The following EVL variants were observed in gnomAD, a reference collection of about 807,000 sequenced individuals.
EVL encodes the protein ena/VASP-like protein.
Under a neutral mutation model 59.6 loss-of-function variants are expected in EVL, and 21 were observed. The observed-to-expected ratio is 0.35, with a 90% CI of 0.25 to 0.51. The LOEUF (loss-of-function observed/expected upper bound fraction) is 0.51. EVL is among the 20% of genes least tolerant of loss of function. The pLI is 0.97. For synonymous variants in EVL, 198 were observed against 203.5 expected (o/e 0.97, Z 0.23); for missense variants, 462 against 546.6 (o/e 0.85, Z 1.54).
chr14:100,002,892 A>G (rs1052525326), intron 1 of EVL, among the ~76,000 whole-genome samples: 9 of 152,252 alleles, frequency 5.9e-5, no homozygotes, highest in African/African-American at 2.2e-4. Flanking sequence ...CATGAAGCCA[A>G]TTAAATTTCT....
chr14:100,020,765 C>T (rs1483678200), intron 1 of EVL, among the ~76,000 whole-genome samples: 1 of 152,196 alleles, frequency 6.6e-6, no homozygotes, highest in African/African-American at 2.4e-5. Context: ...AAAGAAAAGT[C>T]GGACCGTAAA....
intron 11 of EVL, chr14:100,139,039 T>C (rs1413703612): frequency 6.6e-6 from 1 of 152,314 alleles, no homozygotes; most frequent in African/African-American, 2.4e-5. Flanking sequence ...GTTTGCATTG[T>C]GTTCATGCGC....
At chr14:100,058,771 A>G (rs566716388) in intron 1 of EVL, among the ~76,000 whole-genome samples, 1 of 152,286 alleles carries the variant, frequency 6.6e-6, no homozygotes, top group African/African-American at 2.4e-5. Flanking sequence ...ATAGCACCCT[A>G]CTCAGAAAGC....
At chr14:100,122,991 G>A (rs1887796604) in intron 3 of EVL, among the ~76,000 whole-genome samples, 3 of 152,160 alleles carry the variant, frequency 2.0e-5, no homozygotes, top group Non-Finnish European at 1.5e-5. Flanking sequence ...AGACAGCAGG[G>A]GTCACCCCAG....
chr14:99,995,780 A>G (rs2060908900), intron 1 of EVL, among the ~76,000 whole-genome samples: 1 of 151,986 alleles, frequency 6.6e-6, no homozygotes, highest in South Asian at 2.1e-4. Flanking sequence ...AATCTGGAGA[A>G]CTCTCAAGCC....
intron 1 of EVL, among the ~76,000 whole-genome samples, chr14:100,079,251 C>T (rs1034650377): frequency 3.9e-5 from 6 of 152,244 alleles, no homozygotes; most frequent in Non-Finnish European, 5.9e-5. Context: ...TAATCTGTGA[C>T]AGATGCTTTT....
rs548714214 is a variant in EVL, at chr14:100,051,049, A to G, written c.6-33638A>G. ...GGTGTGAACCACTGCACCCAGCCTT[A>G]TTATTTTTACTAGCATACAGTAGTT... On this transcript the variant is annotated intron_variant, in intron 1 of 13. Coordinates refer to the EVL transcript ENST00000402714. Among the ~76,000 whole-genome samples, 5 of 152,210 alleles carry G rather than the reference A, an allele frequency of 3.3e-5. No homozygotes were observed. In the South Asian group the frequency reaches 1.0e-3, roughly 32 times the overall value.
chr14:100,112,338 ACTGT>A (rs1169406545), intron 3 of EVL, among the ~76,000 whole-genome samples: 2 of 152,148 alleles, frequency 1.3e-5, no homozygotes, highest in African/African-American at 4.8e-5. Context: ...CACAGCAGCC[ACTGT>A]CTGACTGGCT....
chr14:100,136,696 A>G (rs780779786), intron 9 of EVL, among the ~76,000 whole-genome samples: 2 of 151,970 alleles, frequency 1.3e-5, no homozygotes, highest in Non-Finnish European at 2.9e-5. Context: ...TCCCTGTGAA[A>G]CTGCACGCCA....
intron 1 of EVL, among the ~76,000 whole-genome samples, chr14:99,991,459 A>G (rs896108347): frequency 3.9e-5 from 6 of 152,248 alleles, no homozygotes; most frequent in Middle Eastern, 3.2e-3. Flanking sequence ...AGATTCATCA[A>G]ATGAATCTTT....
chr14:100,133,850 T>C (rs1888601742), intron 8 of EVL, among the ~76,000 whole-genome samples: 1 of 152,144 alleles, frequency 6.6e-6, no homozygotes, highest in Non-Finnish European at 1.5e-5. Context: ...GGCAGGAGAA[T>C]TGCTTGAACC....
chr14:100,036,560 T>A lies in EVL; in HGVS notation c.6-48127T>A, dbSNP rs116163047. Among the ~76,000 whole-genome samples the A allele has an allele frequency of 6.3e-3, 964 of 152,336 alleles. 11 individuals are homozygous for A. The highest frequency in any genetic ancestry group is 0.021 in the African/African-American group (892 of 41,584). On this transcript the variant is annotated intron_variant, in intron 1 of 13. Transcript: ENST00000402714. ...CAGGCTTACCCATAAACCTTTTTTT[T>A]TGTTTTGCAGTATATAAACAACAAA...
intron 1 of EVL, among the ~76,000 whole-genome samples, chr14:100,013,189 C>T (rs147704843): frequency 6.6e-6 from 1 of 151,740 alleles, no homozygotes; most frequent in Non-Finnish European, 1.5e-5. Context: ...CAGGGACTCT[C>T]TTTGACTAGG....
chr14:100,007,009 C>A (rs1399608987), intron 1 of EVL, among the ~76,000 whole-genome samples: 24 of 152,000 alleles, frequency 1.6e-4, no homozygotes, highest in Admixed American at 1.6e-3. Context: ...CACTCAGAAT[C>A]CTTTCGTGGT....
Position 100,125,558 on chromosome 14 carries a change from AT to A in EVL, c.423-1134del, listed in dbSNP as rs202101876. Among the ~76,000 whole-genome samples the A allele has an allele frequency of 2.3e-3, 329 of 142,288 alleles. 1 individual carries two copies. The highest frequency in any genetic ancestry group is 3.5e-3 in the Middle Eastern group (1 of 282). 93.3% of individuals were successfully genotyped at this position (142,288 alleles called of 152,430 possible). The stretch of plus-strand genomic sequence containing the variant: ...TAATGCTAAAAGGGGCTTTTCCGTA[AT>A]TTTTTTTTTTTTTTGAGATGGAGTC... On this transcript the variant is annotated intron_variant, in intron 4 of 13. Transcript: ENST00000392920.
intron 1 of EVL, among the ~76,000 whole-genome samples, chr14:99,979,398 T>G (rs905540593): frequency 6.6e-6 from 1 of 152,102 alleles, no homozygotes; most frequent in African/African-American, 2.4e-5. Flanking sequence ...AAATTTTAGG[T>G]CATTAAGTTT....
At chr14:100,118,239 A>G (rs1049711504) in intron 3 of EVL, among the ~76,000 whole-genome samples, 2 of 152,054 alleles carry the variant, frequency 1.3e-5, no homozygotes, top group African/African-American at 2.4e-5. Context: ...GAGGAGTGTC[A>G]CCTGCATCTG....
intron 1 of EVL, chr14:100,019,260 CT>C (rs2061080073): frequency 5.6e-6 from 1 of 178,442 alleles, no homozygotes; most frequent in Non-Finnish European, 1.2e-5. Flanking sequence ...ATTCTCATTC[CT>C]TTCAGCCTTC....
intron 11 of EVL, 31 bp downstream of exon 11, chr14:100,137,833 C>A: frequency 6.2e-7 from 1 of 1,610,978 alleles, no homozygotes; most frequent in Admixed American, 1.7e-5. Context: ...TCACATGTCC[C>A]CCAGGGTTTG....
Sources: gnomAD v4.1 joint callset for allele counts (sites outside exome capture counted in the v4.1 genomes callset) on GRCh38, gnomAD v4.1.1 for gene constraint, MANE v1.5 for transcripts, NCBI Gene and HGNC (gene_info 2026-07-23, HGNC 2026-07-21) for gene names.